ACOT1: variants seen among roughly 807,000 people sequenced by gnomAD.
ACOT1 encodes acyl-coenzyme A thioesterase 1.
Under a neutral mutation model 15.7 loss-of-function variants are expected in ACOT1, and 8 were observed. That is an observed-to-expected ratio of 0.51 (90% CI 0.30 to 0.92). The LOEUF (loss-of-function observed/expected upper bound fraction) is 0.92. ACOT1 is among the 40% of genes least tolerant of loss of function. The probability of loss-of-function intolerance (pLI) is 0.06; values close to 1 mark genes in which losing one functional copy is unlikely to be tolerated. For synonymous variants in ACOT1, 67 were observed against 241.2 expected, an observed-to-expected ratio of 0.28 and a Z score of 6.69; for missense variants, 151 against 539.4, an observed-to-expected ratio of 0.28 and a Z score of 7.13.
the ACOT1 span, chr14:73,521,167 C>T: frequency 1.3e-6 from 1 of 784,948 alleles, no homozygotes; most frequent in Non-Finnish European, 2.1e-6. Flanking sequence ...CATTGCAGAA[C>T]ACCAATGTTT....
the ACOT1 span, chr14:73,491,613 G>A: frequency 1.9e-6 from 3 of 1,547,240 alleles, no homozygotes; most frequent in African/African-American, 1.4e-5. Context: ...CCCAGCAGCC[G>A]GCGGCGAGCG....
chr14:73,491,185 G>A, the ACOT1 span: 1 of 1,599,012 alleles, frequency 6.3e-7, no homozygotes, highest in Non-Finnish European at 8.5e-7. Context: ...TGAGGACGCA[G>A]ACGCTGCCTA....
the ACOT1 span, among the ~76,000 whole-genome samples, chr14:73,504,198 C>T: frequency 8.0e-3 from 1,214 of 151,364 alleles, 12 homozygotes; most frequent in African/African-American, 0.027. Context: ...CTGCCTGAGC[C>T]TCCTGAGTAG....
the ACOT1 span, chr14:73,520,919 C>G: frequency 2.1e-5 from 34 of 1,613,922 alleles, no homozygotes; most frequent in Admixed American, 5.5e-4. Context: ...GGGGAGTCAC[C>G]TGGCGAAAGT....
the ACOT1 span, among the ~76,000 whole-genome samples, chr14:73,525,032 G>C: frequency 6.6e-6 from 1 of 151,572 alleles, no homozygotes; most frequent in African/African-American, 2.4e-5. Flanking sequence ...TTTTTCTTTT[G>C]TTTTGTTTTT....
chr14:73,536,516 TAAAAAAAAAAAAA>T (rs543491523), upstream of ACOT1, among the ~76,000 whole-genome samples: 2,876 of 59,354 alleles, frequency 0.048, 844 homozygotes, highest in Non-Finnish European at 0.061. Flanking sequence ...CCTGTCTCTT[TAAAAAAAAAAAAA>T]AAAAAAAAAA....
chr14:73,491,547 G>T, the ACOT1 span: 1 of 1,534,492 alleles, frequency 6.5e-7, no homozygotes, highest in Non-Finnish European at 8.7e-7. Context: ...AACACGGGTG[G>T]GGAGCCGGCC....
At chr14:73,496,171 A>G in the ACOT1 span, among the ~76,000 whole-genome samples, 43 of 152,280 alleles carry the variant, frequency 2.8e-4, no homozygotes, top group Admixed American at 2.6e-3. Context: ...CCTTTCAGCT[A>G]GAGATTTTCT....
rs1160643634 is a variant in ACOT1, at chr14:73,537,519, C to G, written c.98C>G (p.Thr33Arg). 1 of 1,212,396 alleles carries G rather than the reference C, an allele frequency of 8.2e-7. No individual in the cohort carries two copies. The highest frequency in any genetic ancestry group is 2.7e-5 in the Admixed American group (1 of 36,682). 75.1% of individuals were successfully genotyped at this position (1,212,396 alleles called of 1,614,324 possible). ...GGCCTAGCCCCGGAGCAGCCGGTCA[C>G]GCTGCGCGCGTCCCTGCGCGACGAG... ...VRGLAPEQPVTLRASLRDEKG... is the reference protein window; with the variant it reads ...VRGLAPEQPVRLRASLRDEKG... The change falls in exon 1 of 3, where the codon ACG becomes AGG. Residue 33 changes from threonine (T) to arginine (R), a missense_variant. Transcript: ENST00000311148.
chr14:73,524,805 A>T, the ACOT1 span, among the ~76,000 whole-genome samples: 9 of 151,828 alleles, frequency 5.9e-5, no homozygotes, highest in Non-Finnish European at 1.2e-4. Flanking sequence ...GATGAAGGAG[A>T]GACCATTATT....
At chr14:73,498,921 C>G in the ACOT1 span, 3 of 708,538 alleles carry the variant, frequency 4.2e-6, no homozygotes, top group African/African-American at 5.3e-5. Flanking sequence ...AGAAAATTAT[C>G]TTTCTCTTTT....
chr14:73,500,724 C>G, the ACOT1 span: 1 of 1,613,344 alleles, frequency 6.2e-7, no homozygotes, highest in South Asian at 1.1e-5. Context: ...CTTGACCTAG[C>G]TTGACCCTGT....
the ACOT1 span, among the ~76,000 whole-genome samples, chr14:73,529,354 CAAA>C: frequency 1.9e-4 from 17 of 87,418 alleles, no homozygotes; most frequent in Non-Finnish European, 2.6e-4. Flanking sequence ...GACTCTGTCT[CAAA>C]AAAAAAAAAA....
the ACOT1 span, chr14:73,520,875 GTGT>G: frequency 6.2e-7 from 1 of 1,614,018 alleles, no homozygotes; most frequent in Non-Finnish European, 8.5e-7. Flanking sequence ...CTGTTCAAAG[GTGT>G]TGTCTGTGGA....
chr14:73,534,240 G>A (rs1242506609), upstream of ACOT1, among the ~76,000 whole-genome samples: 3 of 111,296 alleles, frequency 2.7e-5, 1 homozygote, highest in African/African-American at 8.8e-5. Flanking sequence ...TCAGCTGGCC[G>A]TGGTGGCATG....
chr14:73,503,053 A>T, the ACOT1 span: 1 of 1,477,224 alleles, frequency 6.8e-7, no homozygotes, highest in Non-Finnish European at 9.4e-7. Flanking sequence ...TCACTTAATG[A>T]ATGTTAATTT....
the ACOT1 span, among the ~76,000 whole-genome samples, chr14:73,501,742 TTTTTA>T: frequency 1.3e-5 from 2 of 151,168 alleles, no homozygotes; most frequent in East Asian, 1.9e-4. Flanking sequence ...ACTGGCTAAC[TTTTTA>T]TTTTATTTTA....
At position 73,538,069 on chromosome 14, in the gene ACOT1, C is replaced by A. The variant is rs1423681274; in HGVS notation, c.457+191C>A. Reference sequence around the variant, plus strand: ...CTTGAACTCCTGGACCCAAGCTATCCTCCCGCCTCTGCCTCCCCAAGAGCT... The same window carrying A: ...CTTGAACTCCTGGACCCAAGCTATCATCCCGCCTCTGCCTCCCCAAGAGCT... On this transcript the variant is annotated intron_variant, in intron 1 of 2. Coordinates refer to ENST00000311148, the MANE Select transcript of ACOT1 (RefSeq NM_001037161.2). Among the ~76,000 whole-genome samples, 3 of 113,512 alleles carry A rather than the reference C, an allele frequency of 2.6e-5. 1 individual carries two copies. Among genetic ancestry groups the A allele is most frequent in the African/African-American group, 5.7e-5 (2 of 34,932 alleles). 74.5% of individuals were successfully genotyped at this position (113,512 alleles called of 152,430 possible). A position where few individuals can be genotyped will look rare whatever the true frequency, so the allele number is the denominator to read the frequency against.
chr14:73,516,117 C>A, the ACOT1 span, among the ~76,000 whole-genome samples: 1 of 48,392 alleles, frequency 2.1e-5, no homozygotes, highest in Non-Finnish European at 3.1e-5. Context: ...AGAAACACAT[C>A]CACTAGCCAT....
Sources: allele counts gnomAD v4.1 joint callset (sites outside exome capture counted in the v4.1 genomes callset), GRCh38; gene constraint gnomAD v4.1.1; transcripts MANE v1.5; gene names NCBI Gene and HGNC (gene_info 2026-07-23, HGNC 2026-07-21).